The following SHISA9 variants were observed in gnomAD, a reference collection of about 807,000 sequenced individuals.
The protein encoded by SHISA9 is protein shisa-9.
A neutral mutation model predicts 38.0 loss-of-function variants in SHISA9; 13 were observed. The observed-to-expected ratio is 0.34, with a 90% CI of 0.22 to 0.54. The LOEUF (loss-of-function observed/expected upper bound fraction) is 0.54. Ranked by LOEUF, SHISA9 falls within the 20% of genes least tolerant of loss-of-function variation. The probability of loss-of-function intolerance (pLI) is 0.91; values close to 1 mark genes in which losing one functional copy is unlikely to be tolerated. For synonymous variants in SHISA9, 275 were observed against 242.0 expected (o/e 1.14, Z -1.27); for missense variants, 538 against 575.8 (o/e 0.93, Z 0.67).
intron 2 of SHISA9, among the ~76,000 whole-genome samples, chr16:13,019,878 CCCTCCCTTCTTTCTTT>C (rs1217782228): frequency 0.024 from 770 of 31,912 alleles, 65 homozygotes; most frequent in African/African-American, 0.033. Flanking sequence ...CTCCCTCCCT[CCCTCCCTTCTTTCTTT>C]CTTTCTTTCT....
intron 2 of SHISA9, among the ~76,000 whole-genome samples, chr16:12,981,144 A>C (rs1025057839): frequency 3.9e-5 from 6 of 152,158 alleles, no homozygotes; most frequent in African/African-American, 1.4e-4. Context: ...TTTGATGGGC[A>C]ATGTGGATGC....
At chr16:13,039,376 C>G (rs1267986306) in intron 2 of SHISA9, among the ~76,000 whole-genome samples, 2 of 151,946 alleles carry the variant, frequency 1.3e-5, no homozygotes, top group East Asian at 3.9e-4. Flanking sequence ...GTGACTTGTA[C>G]AAGGTAATAC....
chr16:12,943,330 T>TGAGAGAGA (rs375325532), intron 2 of SHISA9, among the ~76,000 whole-genome samples: 2 of 27,986 alleles, frequency 7.1e-5, no homozygotes. Context: ...TGTGTGTGTG[T>TGAGAGAGA]GAGAGAGAGA....
At chr16:13,026,054 C>T (rs185876103) in intron 2 of SHISA9, among the ~76,000 whole-genome samples, 18 of 152,350 alleles carry the variant, frequency 1.2e-4, no homozygotes, top group African/African-American at 4.3e-4. Flanking sequence ...ATCCACCAGC[C>T]TCAGCCTCCC....
the SHISA9 span, among the ~76,000 whole-genome samples, chr16:13,487,505 TCAGA>T: frequency 1.3e-5 from 2 of 152,178 alleles, no homozygotes; most frequent in African/African-American, 4.8e-5. Context: ...TTTCAAGAAC[TCAGA>T]CAGAGAACTC....
At chr16:12,938,102 G>A (rs1372610897) in intron 2 of SHISA9, among the ~76,000 whole-genome samples, 1 of 152,210 alleles carries the variant, frequency 6.6e-6, no homozygotes, top group Non-Finnish European at 1.5e-5. Flanking sequence ...TGATTCTTAT[G>A]AGGCCATGGC....
the SHISA9 span, among the ~76,000 whole-genome samples, chr16:13,469,435 G>A: frequency 0.019 from 2,284 of 122,622 alleles, 97 homozygotes; most frequent in African/African-American, 0.071. Context: ...AAGAAAGAAA[G>A]AGAAAGAAAG....
intron 2 of SHISA9, among the ~76,000 whole-genome samples, chr16:13,040,068 C>A (rs367566687): frequency 2.6e-3 from 390 of 152,304 alleles, no homozygotes; most frequent in African/African-American, 8.6e-3. Context: ...GGCCTCCTCC[C>A]AGATTTCCCT....
the SHISA9 span, among the ~76,000 whole-genome samples, chr16:13,506,782 C>G: frequency 6.6e-6 from 1 of 152,118 alleles, no homozygotes; most frequent in Non-Finnish European, 1.5e-5. Flanking sequence ...GTGCTATAAT[C>G]CTAGCACTTT....
intron 2 of SHISA9, among the ~76,000 whole-genome samples, chr16:13,186,943 C>T (rs1273444429): frequency 1.3e-5 from 2 of 152,314 alleles, no homozygotes; most frequent in East Asian, 3.9e-4. Context: ...ACTGGATGAG[C>T]AGACTACATT....
At chr16:13,473,371 T>TTTGG in the SHISA9 span, among the ~76,000 whole-genome samples, 1 of 143,760 alleles carries the variant, frequency 7.0e-6, no homozygotes, top group Admixed American at 6.9e-5. Flanking sequence ...TTTTTTTTTT[T>TTTGG]GAGGGGGTAT....
chr16:13,051,181 C>T (rs540016849), intron 2 of SHISA9, among the ~76,000 whole-genome samples: 3 of 152,350 alleles, frequency 2.0e-5, no homozygotes, highest in East Asian at 1.9e-4. Context: ...AATGGACTCA[C>T]AGTTCCACAT....
chr16:13,165,185 CTTT>C (rs2050625513), intron 2 of SHISA9, among the ~76,000 whole-genome samples: 1 of 152,078 alleles, frequency 6.6e-6, no homozygotes, highest in South Asian at 2.1e-4. Flanking sequence ...ATGCCTCCTC[CTTT>C]CTTCTCTCCC....
chr16:13,437,915 G>T, the SHISA9 span, among the ~76,000 whole-genome samples: 4 of 149,996 alleles, frequency 2.7e-5, no homozygotes, highest in African/African-American at 9.9e-5. Context: ...GCCCAGGCTG[G>T]AGTGCAGTGA....
intron 2 of SHISA9, among the ~76,000 whole-genome samples, chr16:13,036,189 A>T (rs1005591024): frequency 3.3e-5 from 5 of 152,216 alleles, no homozygotes; most frequent in African/African-American, 4.8e-5. Flanking sequence ...CTTGTATACT[A>T]ATGTTCAGAG....
the SHISA9 span, among the ~76,000 whole-genome samples, chr16:13,436,439 C>G: frequency 6.6e-6 from 1 of 152,160 alleles, no homozygotes; most frequent in African/African-American, 2.4e-5. Context: ...AGAAGAGGAA[C>G]CCTCAATTCC....
At chr16:13,512,211 G>C in the SHISA9 span, among the ~76,000 whole-genome samples, 1 of 152,072 alleles carries the variant, frequency 6.6e-6, no homozygotes, top group Non-Finnish European at 1.5e-5. Flanking sequence ...TAAAATCACA[G>C]TATCTGATAC....
At chr16:13,511,054 A>T in the SHISA9 span, among the ~76,000 whole-genome samples, 34 of 152,340 alleles carry the variant, frequency 2.2e-4, no homozygotes, top group African/African-American at 7.5e-4. Context: ...GTTCATCACT[A>T]CATTAGCCAT....
the SHISA9 span, among the ~76,000 whole-genome samples, chr16:13,401,416 T>C: frequency 6.6e-6 from 1 of 152,322 alleles, no homozygotes; most frequent in Admixed American, 6.5e-5. Flanking sequence ...CGCATATTAC[T>C]TTCATTCTCT....
Sources: gnomAD v4.1 joint callset for allele counts (sites outside exome capture counted in the v4.1 genomes callset) on GRCh38, gnomAD v4.1.1 for gene constraint, MANE v1.5 for transcripts, NCBI Gene and HGNC (gene_info 2026-07-23, HGNC 2026-07-21) for gene names.